The following CADM2 variants were observed in gnomAD, a reference collection of about 807,000 sequenced individuals.
The protein encoded by CADM2 is cell adhesion molecule 2.
CADM2 carries 12 observed loss-of-function variants against 49.8 expected under a neutral mutation model. The ratio of observed to expected loss-of-function variants is 0.24; its 90% CI spans 0.15 to 0.39. The LOEUF is 0.39. Among genes scored for constraint, CADM2 ranks in the 10% least tolerant of loss-of-function variants. The probability of loss-of-function intolerance (pLI) is 1.00; values close to 1 mark genes in which losing one functional copy is unlikely to be tolerated. For synonymous variants in CADM2, 214 were observed against 175.4 expected (o/e 1.22, Z -1.74); for missense variants, 378 against 492.3 (o/e 0.77, Z 2.20).
At chr3:85,034,866 G>A (rs2035146555) in intron 1 of CADM2, among the ~76,000 whole-genome samples, 2 of 142,072 alleles carry the variant, frequency 1.4e-5, no homozygotes, top group Admixed American at 7.5e-5. Context: ...TGCAGGGCAC[G>A]ATTTTGGCTC....
chr3:85,937,744 A>T (rs78838574), intron 7 of CADM2, among the ~76,000 whole-genome samples: 1,888 of 151,968 alleles, frequency 0.012, 43 homozygotes, highest in African/African-American at 0.042. Context: ...TTCTATATTT[A>T]TATTATTTCT....
chr3:85,076,185 A>T (rs1467856837), intron 1 of CADM2, among the ~76,000 whole-genome samples: 1 of 152,160 alleles, frequency 6.6e-6, no homozygotes, highest in Admixed American at 6.6e-5. Flanking sequence ...ACTAAAGAGA[A>T]AATTAAGGCA....
intron 8 of CADM2, among the ~76,000 whole-genome samples, chr3:86,002,737 C>T (rs1027258059): frequency 3.9e-5 from 6 of 152,184 alleles, no homozygotes; most frequent in Admixed American, 6.5e-5. Flanking sequence ...GGTTCAAAAT[C>T]GGTTCATAAA....
chr3:85,400,347 T>G (rs2035034354), intron 1 of CADM2, among the ~76,000 whole-genome samples: 1 of 152,216 alleles, frequency 6.6e-6, no homozygotes, highest in African/African-American at 2.4e-5. Context: ...TGGATTTTGT[T>G]TGCCAGTATT....
chr3:85,249,931 T>G (rs1044662046), intron 1 of CADM2, among the ~76,000 whole-genome samples: 11 of 151,834 alleles, frequency 7.2e-5, no homozygotes, highest in Admixed American at 7.2e-4. Context: ...AAGATAATTG[T>G]TAAATTTCTA....
chr3:85,731,617 A>C (rs1394496059), intron 2 of CADM2, among the ~76,000 whole-genome samples: 1 of 152,110 alleles, frequency 6.6e-6, no homozygotes, highest in Non-Finnish European at 1.5e-5. Context: ...GTTTCACTAT[A>C]TTTCCTCTTC....
chr3:85,315,565 C>A (rs1465781196), intron 1 of CADM2, among the ~76,000 whole-genome samples: 1 of 152,062 alleles, frequency 6.6e-6, no homozygotes, highest in Non-Finnish European at 1.5e-5. Context: ...CTTTTTAAGA[C>A]AATTTTCAAA....
intron 3 of CADM2, among the ~76,000 whole-genome samples, chr3:85,857,646 G>T (rs1404679286): frequency 2.6e-5 from 4 of 152,070 alleles, no homozygotes; most frequent in Admixed American, 6.6e-5. Context: ...GGTGTTCTTG[G>T]TTCATTTAAA....
intron 3 of CADM2, among the ~76,000 whole-genome samples, chr3:85,808,057 C>T (rs937734229): frequency 6.6e-6 from 1 of 152,124 alleles, no homozygotes; most frequent in African/African-American, 2.4e-5. Flanking sequence ...TGTATTTTAA[C>T]GAGTTCCCTG....
At chr3:85,109,907 A>T (rs1039042163) in intron 1 of CADM2, among the ~76,000 whole-genome samples, 12 of 151,858 alleles carry the variant, frequency 7.9e-5, no homozygotes, top group Non-Finnish European at 1.5e-5. Flanking sequence ...GAAATTTTTG[A>T]TGTTGTGTCT....
intron 1 of CADM2, among the ~76,000 whole-genome samples, chr3:85,553,471 C>T (rs925726359): frequency 6.6e-6 from 1 of 152,182 alleles, no homozygotes; most frequent in South Asian, 2.1e-4. Context: ...TTTACTGTCA[C>T]TTGGAACAAA....
chr3:85,250,988 G>A (rs1363971234), intron 1 of CADM2, among the ~76,000 whole-genome samples: 2 of 151,566 alleles, frequency 1.3e-5, no homozygotes, highest in Admixed American at 1.3e-4. Flanking sequence ...CAGTGTAATG[G>A]TACAAATGAA....
chr3:85,207,210 A>T (rs1016167241), intron 1 of CADM2, among the ~76,000 whole-genome samples: 9 of 151,738 alleles, frequency 5.9e-5, no homozygotes, highest in Non-Finnish European at 1.3e-4. Context: ...ATAAGTGTTG[A>T]CTCTTATTTT....
chr3:85,987,766 G>A (rs1273264447), intron 8 of CADM2, among the ~76,000 whole-genome samples: 2 of 148,048 alleles, frequency 1.4e-5, no homozygotes, highest in Admixed American at 6.8e-5. Context: ...ATGAAATATC[G>A]AGGCTAAAGT....
intron 8 of CADM2, chr3:86,014,374 G>A (rs1577952661): frequency 1.4e-6 from 2 of 1,438,302 alleles, no homozygotes; most frequent in East Asian, 4.7e-5. Context: ...GCAGCTGGTA[G>A]CTTGACTGTA....
At chr3:85,884,449 C>A (rs935089749) in intron 4 of CADM2, among the ~76,000 whole-genome samples, 1 of 152,096 alleles carries the variant, frequency 6.6e-6, no homozygotes, top group Non-Finnish European at 1.5e-5. Flanking sequence ...CCATTAAAGA[C>A]AAAATATGCC....
Position 85,180,677 on chromosome 3 carries a change from T to C in CADM2, c.61+221009T>C, listed in dbSNP as rs76124455. ...AAAGTTCTGCAGGATTTCTAATGTATTAATGGAAAACATTCTCCACACAAA... is the reference window on the plus strand; with the variant it reads ...AAAGTTCTGCAGGATTTCTAATGTACTAATGGAAAACATTCTCCACACAAA... On this transcript the variant is annotated intron_variant, in intron 1 of 9. Coordinates refer to ENST00000383699, the MANE Select transcript of CADM2 (RefSeq NM_001167675.2). Among the ~76,000 whole-genome samples the C allele has an allele frequency of 5.3e-3, 806 of 152,260 alleles. 6 individuals are homozygous for C. Among genetic ancestry groups the C allele is most frequent in the African/African-American group, 0.018 (765 of 41,560 alleles).
chr3:85,676,869 C>A (rs2065899938), intron 1 of CADM2, among the ~76,000 whole-genome samples: 1 of 152,116 alleles, frequency 6.6e-6, no homozygotes, highest in Non-Finnish European at 1.5e-5. Context: ...TTTGAAAAAT[C>A]CCTTTTCAAA....
chr3:85,366,555 A>G (rs1051987994), intron 1 of CADM2, among the ~76,000 whole-genome samples: 1 of 152,164 alleles, frequency 6.6e-6, no homozygotes, highest in African/African-American at 2.4e-5. Context: ...TAAGGCTTTT[A>G]TCAGGAAAAA....
Sources: gnomAD v4.1 joint callset for allele counts (sites outside exome capture counted in the v4.1 genomes callset) on GRCh38, gnomAD v4.1.1 for gene constraint, MANE v1.5 for transcripts, NCBI Gene and HGNC (gene_info 2026-07-23, HGNC 2026-07-21) for gene names.